SLC38A1: variants seen among roughly 807,000 people sequenced by gnomAD.
SLC38A1 encodes the protein solute carrier family 38 member 1, also known as sodium-coupled neutral amino acid symporter 1.
Under a neutral mutation model 60.3 loss-of-function variants are expected in SLC38A1, and 18 were observed. That is an observed-to-expected ratio of 0.30 (90% CI 0.21 to 0.44). The LOEUF (loss-of-function observed/expected upper bound fraction) is 0.44, where lower values mean the gene tolerates loss of function less well. Among genes scored for constraint, SLC38A1 ranks in the 20% least tolerant of loss-of-function variants. The pLI, the probability that SLC38A1 is intolerant of heterozygous loss-of-function variation, is 1.00. For synonymous variants in SLC38A1, 196 were observed against 212.1 expected (o/e 0.92, Z 0.66); for missense variants, 448 against 587.2 (o/e 0.76, Z 2.45).
At chr12:46,220,745 A>G (rs1369940955) in intron 5 of SLC38A1, among the ~76,000 whole-genome samples, 1 of 152,234 alleles carries the variant, frequency 6.6e-6, no homozygotes, top group East Asian at 1.9e-4. Flanking sequence ...GAGCAGGCCA[A>G]GTTTGTATAA....
rs764081903 is a variant in SLC38A1 at position 46,197,932 on chromosome 12, A to C, written c.1251T>G (p.Ile417Met). 21 of 1,613,946 alleles carry C rather than the reference A, an allele frequency of 1.3e-5. No homozygotes were observed. Among genetic ancestry groups the C allele is most frequent in the Non-Finnish European group, 1.6e-5 (19 of 1,179,978 alleles). The change falls in exon 15 of 17, where the codon ATT becomes ATG. Residue 417 changes from isoleucine to methionine, a missense_variant. Physicochemically the swap from Ile to Met is conservative, Grantham distance 10. Coordinates refer to ENST00000398637, the MANE Select transcript of SLC38A1 (RefSeq NM_030674.4). ...ATGAAGCCATACCTACGACTCCAAA[A>C]ATATCCTTCATGGAGGGTATGAAGA... ...LVIFIPSMKD[I>M]FGVVGVTSAN...
intron 1 of SLC38A1, among the ~76,000 whole-genome samples, chr12:46,246,417 C>G (rs1941620017): frequency 6.6e-6 from 1 of 152,234 alleles, no homozygotes; most frequent in African/African-American, 2.4e-5. Context: ...GTGCAGCAGT[C>G]TGAGATTGAC....
chr12:46,219,977 AC>A (rs953829761), intron 5 of SLC38A1, among the ~76,000 whole-genome samples: 89 of 152,140 alleles, frequency 5.8e-4, no homozygotes, highest in African/African-American at 2.1e-3. Flanking sequence ...ACACACCCCT[AC>A]CTTTCTGGGG....
intron 16 of SLC38A1, chr12:46,197,506 C>A (rs1592066515): frequency 2.4e-6 from 1 of 411,644 alleles, no homozygotes; most frequent in East Asian, 5.3e-5. Flanking sequence ...GACTCCATCT[C>A]AAAAAAAAAG....
At chr12:46,198,569 C>A in intron 14 of SLC38A1, 56 bp downstream of exon 14, 1 of 1,234,000 alleles carries the variant, frequency 8.1e-7, no homozygotes, top group Non-Finnish European at 1.1e-6. Flanking sequence ...CTCCTGCAGG[C>A]AGAAGGAAAG....
intron 5 of SLC38A1, among the ~76,000 whole-genome samples, chr12:46,218,571 T>A (rs1309676236): frequency 1.3e-5 from 2 of 152,178 alleles, no homozygotes; most frequent in Admixed American, 6.5e-5. Flanking sequence ...GCAAGTTGCT[T>A]AGCCTCCGTT....
intron 2 of SLC38A1, among the ~76,000 whole-genome samples, chr12:46,240,413 C>T (rs1941406760): frequency 6.6e-6 from 1 of 152,226 alleles, no homozygotes; most frequent in Admixed American, 6.5e-5. Context: ...TCAGGCTGGT[C>T]TCAAACTACT....
At chr12:46,267,051 G>A (rs1565804335) in intron 1 of SLC38A1, among the ~76,000 whole-genome samples, 1 of 152,182 alleles carries the variant, frequency 6.6e-6, no homozygotes, top group Non-Finnish European at 1.5e-5. Flanking sequence ...TCCTTCTGAC[G>A]TCAGAAAAAG....
At chr12:46,207,012 G>T (rs1009737484) in intron 8 of SLC38A1, 143 bp downstream of exon 8, 4 of 614,840 alleles carry the variant, frequency 6.5e-6, no homozygotes, top group Admixed American at 3.2e-5. Flanking sequence ...TAGCCCCAAA[G>T]AAATTTATTG....
intron 5 of SLC38A1, among the ~76,000 whole-genome samples, chr12:46,224,428 TA>T (rs201289211): frequency 1.7e-4 from 26 of 151,086 alleles, no homozygotes; most frequent in South Asian, 6.3e-4. Flanking sequence ...ATGGATAGGT[TA>T]AAAAAAAATG....
chr12:46,246,610 C>T (rs985194541), intron 1 of SLC38A1, among the ~76,000 whole-genome samples: 1 of 152,274 alleles, frequency 6.6e-6, no homozygotes, highest in Admixed American at 6.5e-5. Flanking sequence ...GCAGAAACTT[C>T]TGCAGACTTA....
At chr12:46,211,016 T>A (rs1190598672) in intron 5 of SLC38A1, among the ~76,000 whole-genome samples, 1 of 152,222 alleles carries the variant, frequency 6.6e-6, no homozygotes, top group Admixed American at 6.5e-5. Flanking sequence ...CAGGATTTGA[T>A]ATGCTCTGCC....
chr12:46,247,356 G>A (rs1941657802), intron 1 of SLC38A1, among the ~76,000 whole-genome samples: 2 of 152,184 alleles, frequency 1.3e-5, no homozygotes, highest in African/African-American at 4.8e-5. Context: ...TGATGGAGCT[G>A]AAAACCATGG....
intron 16 of SLC38A1, among the ~76,000 whole-genome samples, chr12:46,189,855 G>T (rs1033360552): frequency 1.3e-5 from 2 of 152,060 alleles, no homozygotes; most frequent in Admixed American, 6.6e-5. Context: ...TTTGCCCTCC[G>T]CTATGATTGT....
intron 1 of SLC38A1, among the ~76,000 whole-genome samples, chr12:46,263,549 C>T (rs1465056733): frequency 6.6e-6 from 1 of 152,180 alleles, no homozygotes; most frequent in African/African-American, 2.4e-5. Flanking sequence ...GCAACCTAAA[C>T]AAAACCGGTT....
chr12:46,220,758 G>A (rs1316235596), intron 5 of SLC38A1, among the ~76,000 whole-genome samples: 3 of 152,170 alleles, frequency 2.0e-5, no homozygotes, highest in Non-Finnish European at 2.9e-5. Flanking sequence ...TTGTATAAAG[G>A]TATGCTGCAA....
Position 46,268,673 on chromosome 12 carries a change from A to G in SLC38A1, c.-356T>C. The G allele has an allele frequency of 3.5e-6, 1 of 283,178 alleles. No homozygotes were observed. Among genetic ancestry groups the G allele is most frequent in the Non-Finnish European group, 7.6e-6 (1 of 132,416 alleles). The allele number at this position is 283,178 out of a possible 1,614,324, so 17.5% of individuals were successfully genotyped here. ...TGGCCCCCGTCAGTAAGGGTTGGGC[A>G]GGGAGCTTGGCGTGGCCTGGCGGAT... On this transcript the variant is annotated 5_prime_UTR_variant, in exon 1 of 17. Coordinates refer to ENST00000398637, the MANE Select transcript of SLC38A1 (RefSeq NM_030674.4). This position sits in a 1 kb window ranked among gnomAD's most constrained non-coding sequence, Gnocchi z 4.4.
At chr12:46,200,368 TAC>T (rs1466773570) in intron 13 of SLC38A1, among the ~76,000 whole-genome samples, 1 of 151,776 alleles carries the variant, frequency 6.6e-6, no homozygotes, top group African/African-American at 2.4e-5. Context: ...GTGAAATACA[TAC>T]ATATATATAT....
At position 46,206,062 on chromosome 12, in the gene SLC38A1, A is replaced by G. The variant is rs1939883167; in HGVS notation, c.646+18T>C. The G allele has an allele frequency of 6.4e-7, 1 of 1,574,584 alleles. No homozygotes were observed. Among genetic ancestry groups the G allele is most frequent in the Non-Finnish European group, 8.7e-7 (1 of 1,147,286 alleles). On this transcript the variant is annotated intron_variant, in intron 9 of 16. Transcript: ENST00000398637. ...CTTGGGCACTGCAGAATATGATAAA[A>G]GCAAAATCTGTCCTTACCTAAGTTC...
Sources: allele counts gnomAD v4.1 joint callset (sites outside exome capture counted in the v4.1 genomes callset), GRCh38; gene constraint gnomAD v4.1.1; non-coding constraint Gnocchi (gnomAD v3.1); transcripts MANE v1.5; gene names NCBI Gene and HGNC (gene_info 2026-07-23, HGNC 2026-07-21).